DCUN1D4: variants seen among roughly 807,000 people sequenced by gnomAD.
DCUN1D4 encodes the protein defective in cullin neddylation 1 domain containing 4, also known as DCN1-like protein 4.
In DCUN1D4, 22 loss-of-function variants were observed where a neutral mutation model predicts 47.9. The observed-to-expected ratio is 0.46, with a 90% CI of 0.33 to 0.66. DCUN1D4 has a LOEUF of 0.66. DCUN1D4 is among the 30% of genes least tolerant of loss of function. The probability of loss-of-function intolerance (pLI) is 0.02; values close to 1 mark genes in which losing one functional copy is unlikely to be tolerated. For missense variants in DCUN1D4, 301 were observed against 340.8 expected, an observed-to-expected ratio of 0.88 and a Z score of 0.92; for synonymous variants, 121 against 112.2, an observed-to-expected ratio of 1.08 and a Z score of -0.50.
intron 5 of DCUN1D4, among the ~76,000 whole-genome samples, chr4:51,881,596 C>G (rs938829957): frequency 6.6e-6 from 1 of 150,704 alleles, no homozygotes; most frequent in Non-Finnish European, 1.5e-5. Context: ...ATCAGCCTTA[C>G]CAGATGTACC....
chr4:51,843,180 G>A lies in DCUN1D4; in HGVS notation c.-63G>A. ...CTTCGAGCCGAGGTGCAGTGAGCTG[G>A]TGGGGGGACCGCGAGGCGAGCGCGG... On this transcript the variant is annotated 5_prime_UTR_variant, in exon 1 of 11. It adds an upstream start codon to the 5' untranslated region. Transcript: ENST00000334635. 1 of 1,535,360 alleles carries A rather than the reference G, an allele frequency of 6.5e-7. No individual in the cohort carries two copies. Among genetic ancestry groups the A allele is most frequent in the East Asian group, 2.5e-5 (1 of 39,728 alleles).
At chr4:51,911,269 A>G in intron 9 of DCUN1D4, 95 bp downstream of exon 9, 1 of 1,146,392 alleles carries the variant, frequency 8.7e-7, no homozygotes, top group African/African-American at 1.6e-5. Flanking sequence ...TGTTTGTTGT[A>G]CTTTTCTGCC....
intron 5 of DCUN1D4, chr4:51,884,467 G>A (rs1316904670): frequency 6.6e-6 from 1 of 152,260 alleles, no homozygotes; most frequent in African/African-American, 2.4e-5. Context: ...GGAATGAAAT[G>A]GATACATACT....
chr4:51,843,117 G>C, upstream of DCUN1D4: 1 of 1,466,730 alleles, frequency 6.8e-7, no homozygotes, highest in Non-Finnish European at 9.0e-7. Context: ...GAGAAGGCGA[G>C]ATGGGCGGGC....
intron 7 of DCUN1D4, among the ~76,000 whole-genome samples, chr4:51,897,585 C>A (rs1578018908): frequency 6.6e-6 from 1 of 152,228 alleles, no homozygotes; most frequent in Non-Finnish European, 1.5e-5. Flanking sequence ...GTAAAAATAA[C>A]CAATAAGTAT....
chr4:51,848,136 C>T (rs1198799474), intron 1 of DCUN1D4: 3 of 1,192,818 alleles, frequency 2.5e-6, no homozygotes, highest in African/African-American at 3.2e-5. Context: ...CTTTCACCTA[C>T]TCATTCTTTG....
At chr4:51,840,157 AT>A (rs767489964), upstream of DCUN1D4, among the ~76,000 whole-genome samples, 1 of 152,042 alleles carries the variant, frequency 6.6e-6, no homozygotes, top group African/African-American at 2.4e-5. Flanking sequence ...TCAATTATTA[AT>A]TTTTTTCTCC....
At chr4:51,888,913 C>G (rs1729982899) in intron 6 of DCUN1D4, among the ~76,000 whole-genome samples, 1 of 152,010 alleles carries the variant, frequency 6.6e-6, no homozygotes, top group South Asian at 2.1e-4. Context: ...GAGTTCAGAC[C>G]AGCCTGGAAA....
intron 6 of DCUN1D4, chr4:51,887,149 G>T: frequency 2.2e-6 from 1 of 450,274 alleles, no homozygotes; most frequent in South Asian, 1.6e-5. Flanking sequence ...TCGCCAGGCT[G>T]GAGTGCAATG....
intron 1 of DCUN1D4, among the ~76,000 whole-genome samples, chr4:51,861,526 G>C (rs1207088388): frequency 6.6e-6 from 1 of 152,110 alleles, no homozygotes; most frequent in Non-Finnish European, 1.5e-5. Context: ...TGGGAATTTT[G>C]GGAGTTTAAT....
chr4:51,844,587 C>T (rs780842775), intron 1 of DCUN1D4, among the ~76,000 whole-genome samples: 1 of 151,886 alleles, frequency 6.6e-6, no homozygotes, highest in Non-Finnish European at 1.5e-5. Context: ...TGTCTAATTT[C>T]TGGCTATCAG....
At chr4:51,891,160 TTA>T (rs1730366822) in intron 6 of DCUN1D4, among the ~76,000 whole-genome samples, 1 of 152,270 alleles carries the variant, frequency 6.6e-6, no homozygotes, top group Non-Finnish European at 1.5e-5. Flanking sequence ...GTCCACCTTG[TTA>T]TGTTTTAATA....
intron 1 of DCUN1D4, among the ~76,000 whole-genome samples, chr4:51,853,023 T>C (rs1723594864): frequency 6.6e-6 from 1 of 152,086 alleles, no homozygotes; most frequent in Non-Finnish European, 1.5e-5. Flanking sequence ...TCACCTTCAG[T>C]GGGTAGGTGG....
chr4:51,888,150 G>A (rs1366870244), intron 6 of DCUN1D4, among the ~76,000 whole-genome samples: 6 of 152,116 alleles, frequency 3.9e-5, no homozygotes, highest in Non-Finnish European at 7.4e-5. Flanking sequence ...GAGGGGCTCC[G>A]GAGGTTCCAC....
At chr4:51,899,402 G>C in intron 8 of DCUN1D4, 24 bp downstream of exon 8, 2 of 1,585,054 alleles carry the variant, frequency 1.3e-6, no homozygotes, top group South Asian at 1.2e-5. Flanking sequence ...AGCCTATCCA[G>C]ATGTTTCCCT....
chr4:51,844,913 C>T, intron 1 of DCUN1D4: 2 of 985,564 alleles, frequency 2.0e-6, no homozygotes, highest in Non-Finnish European at 2.4e-6. Context: ...CCCCGGCCAG[C>T]TCCTGCGCGC....
At chr4:51,911,714 C>T (rs1733740772) in intron 9 of DCUN1D4, among the ~76,000 whole-genome samples, 1 of 152,140 alleles carries the variant, frequency 6.6e-6, no homozygotes, top group Non-Finnish European at 1.5e-5. Context: ...AACAATCCAG[C>T]ACTTTATTCC....
chr4:51,842,303 G>A (rs1393715422), upstream of DCUN1D4, among the ~76,000 whole-genome samples: 3 of 152,172 alleles, frequency 2.0e-5, no homozygotes, highest in Non-Finnish European at 2.9e-5. Flanking sequence ...AGCTCAGAGC[G>A]CGGCCCTGTA....
In DCUN1D4 at chr4:51,852,801, G is replaced by A. The variant is rs558720770; in HGVS notation, c.25+9534G>A. Among the ~76,000 whole-genome samples the A allele has an allele frequency of 9.9e-5, 15 of 152,262 alleles. No homozygotes were observed. In the East Asian group the frequency reaches 1.9e-3, roughly 20 times the overall value. On this transcript the variant is annotated intron_variant, in intron 1 of 10. Coordinates refer to ENST00000334635, the MANE Select transcript of DCUN1D4 (RefSeq NM_001040402.3). The stretch of plus-strand genomic sequence containing the variant: ...ATTTCGGCTTTATGGATGAGGACAC[G>A]GGCACAGTGAAGTTTGGAAGCATGT...
Sources: gnomAD v4.1 joint callset for allele counts (sites outside exome capture counted in the v4.1 genomes callset) on GRCh38, gnomAD v4.1.1 for gene constraint, MANE v1.5 for transcripts, NCBI Gene and HGNC (gene_info 2026-07-23, HGNC 2026-07-21) for gene names.